The following ULK4 variants were observed in gnomAD, a reference collection of about 807,000 sequenced individuals.
The protein encoded by ULK4 is inactive serine/threonine-protein kinase ULK4.
ULK4 carries 133 observed loss-of-function variants against 160.6 expected under a neutral mutation model. The ratio of observed to expected loss-of-function variants is 0.83; its 90% CI spans 0.72 to 0.96. The LOEUF (loss-of-function observed/expected upper bound fraction) is 0.96, where lower values mean the gene tolerates loss of function less well. ULK4 is among the 40% of genes least tolerant of loss of function. The pLI is 0.00. For missense variants in ULK4, 1,580 were observed against 1,499.5 expected, an observed-to-expected ratio of 1.05 and a Z score of -0.89; for synonymous variants, 534 against 539.8, an observed-to-expected ratio of 0.99 and a Z score of 0.15.
At chr3:41,633,763 T>G (rs74386901) in intron 30 of ULK4, among the ~76,000 whole-genome samples, 277 of 152,150 alleles carry the variant, frequency 1.8e-3, no homozygotes, top group Non-Finnish European at 3.5e-3. Flanking sequence ...GACTTGATAA[T>G]CTACTGAATG....
intron 18 of ULK4, among the ~76,000 whole-genome samples, chr3:41,827,164 G>C (rs1170855326): frequency 7.0e-6 from 1 of 143,676 alleles, no homozygotes; most frequent in African/African-American, 2.6e-5. Flanking sequence ...AAAGCAGTGT[G>C]TAGGGGGAAA....
At chr3:41,563,313 G>A (rs191194082) in intron 32 of ULK4, among the ~76,000 whole-genome samples, 190 of 152,074 alleles carry the variant, frequency 1.2e-3, no homozygotes, top group African/African-American at 4.5e-3. Flanking sequence ...TTTCAACCTT[G>A]GTGAATCTGA....
At chr3:41,564,552 C>CA (rs1034946433) in intron 32 of ULK4, among the ~76,000 whole-genome samples, 5 of 146,914 alleles carry the variant, frequency 3.4e-5, no homozygotes, top group African/African-American at 1.2e-4. Flanking sequence ...TCCACCTCCC[C>CA]ACTTCAAGCG....
intron 27 of ULK4, among the ~76,000 whole-genome samples, chr3:41,699,159 G>C (rs1292128044): frequency 6.6e-6 from 1 of 152,098 alleles, no homozygotes; most frequent in East Asian, 1.9e-4. Context: ...AGCTTTAGTA[G>C]CTACTGCCCA....
At chr3:41,721,279 T>TTTTTTTTTTTTTTTG (rs67078043) in intron 22 of ULK4, among the ~76,000 whole-genome samples, 9 of 98,918 alleles carry the variant, frequency 9.1e-5, no homozygotes, top group African/African-American at 3.9e-4. Context: ...TTTTTTTTTT[T>TTTTTTTTTTTTTTTG]TTTTTGGGTT....
At chr3:41,913,549 T>C (rs1301235599) in intron 8 of ULK4, among the ~76,000 whole-genome samples, 3 of 152,156 alleles carry the variant, frequency 2.0e-5, no homozygotes, top group Non-Finnish European at 2.9e-5. Flanking sequence ...AAAGTAAATA[T>C]ATCAGATATC....
chr3:41,856,531 A>G (rs1487428268), intron 17 of ULK4, among the ~76,000 whole-genome samples: 1 of 117,626 alleles, frequency 8.5e-6, no homozygotes, highest in Non-Finnish European at 1.7e-5. Flanking sequence ...ATATATATAT[A>G]TGTATGTATA....
Position 41,800,193 on chromosome 3 carries a change from G to T in ULK4, c.1949C>A (p.Pro650His), listed in dbSNP as rs201495360. 3 of 1,613,598 alleles carry T rather than the reference G, an allele frequency of 1.9e-6. No individual in the cohort carries two copies. Among genetic ancestry groups the T allele is most frequent in the African/African-American group, 1.3e-5 (1 of 74,846 alleles). The change falls in exon 20 of 37, where the codon CCC becomes CAC. Residue 650 changes from proline (P) to histidine (H), a missense_variant. By Grantham distance (77) the Pro-to-His change is moderately conservative. Transcript: ENST00000301831. ...GTGTCTGAATAGGTACCACAAAATG[G>T]GTCCTATTTCTCCTGTAATAAAGCC... ...SQGFITGEIG[P>H]ILWYLFRHST...
chr3:41,469,947 C>T (rs1187619474), intron 32 of ULK4, among the ~76,000 whole-genome samples: 1 of 134,032 alleles, frequency 7.5e-6, no homozygotes, highest in African/African-American at 2.7e-5. Flanking sequence ...TGACAAAAGC[C>T]TATAAGGATT....
intron 32 of ULK4, 79 bp downstream of exon 32, chr3:41,565,946 C>A: frequency 9.3e-7 from 1 of 1,070,966 alleles, no homozygotes; most frequent in Non-Finnish European, 1.4e-6. Flanking sequence ...TTAAGTGGTA[C>A]TTCTAGACTC....
chr3:41,912,496 C>T (rs942727394), intron 9 of ULK4, among the ~76,000 whole-genome samples: 1 of 152,052 alleles, frequency 6.6e-6, no homozygotes, highest in Non-Finnish European at 1.5e-5. Flanking sequence ...CATGACCACA[C>T]CTAACATAAA....
chr3:41,812,465 GAGTAC>G (rs1559572258), intron 19 of ULK4, among the ~76,000 whole-genome samples: 1 of 152,084 alleles, frequency 6.6e-6, no homozygotes, highest in Non-Finnish European at 1.5e-5. Flanking sequence ...CAAAAAAAAA[GAGTAC>G]AGCAGTATAG....
intron 21 of ULK4, among the ~76,000 whole-genome samples, chr3:41,789,191 G>A (rs1318661235): frequency 6.6e-6 from 1 of 152,130 alleles, no homozygotes; most frequent in African/African-American, 2.4e-5. Flanking sequence ...TATAATAAAG[G>A]CATATAAAGG....
intron 30 of ULK4, among the ~76,000 whole-genome samples, chr3:41,628,564 G>C (rs957023083): frequency 6.6e-6 from 1 of 152,106 alleles, no homozygotes; most frequent in Non-Finnish European, 1.5e-5. Context: ...ACACAAAAAC[G>C]TATTATGGTT....
At chr3:41,859,670 G>GT (rs1253876790) in intron 17 of ULK4, 10 of 378,634 alleles carry the variant, frequency 2.6e-5, no homozygotes, top group Non-Finnish European at 4.6e-5. Flanking sequence ...TGTTTTGTTT[G>GT]TTTTTTAGAC....
In ULK4 at chr3:41,721,557, C is replaced by A. The variant is rs55835726; in HGVS notation, c.2322-3696G>T. 5.9e-3 allele frequency among the ~76,000 whole-genome samples: 891 copies of A among 149,824 alleles called. 11 individuals carry two copies. Among genetic ancestry groups the A allele is most frequent in the African/African-American group, 0.02 (825 of 40,604 alleles). ...TAATTTTTGTATTTTTAGTGGAGAC[C>A]GGGTTTCACCATCTTGGCCAGGCTG... is the stretch of plus-strand genomic sequence containing the variant. On this transcript the variant is annotated intron_variant, in intron 22 of 36. Coordinates refer to ENST00000301831, the MANE Select transcript of ULK4 (RefSeq NM_017886.4).
chr3:41,442,359 G>A (rs1283381947), intron 34 of ULK4, among the ~76,000 whole-genome samples: 3 of 152,018 alleles, frequency 2.0e-5, no homozygotes, highest in Admixed American at 6.6e-5. Flanking sequence ...TCTGAAATAC[G>A]CAGATGATTT....
intron 30 of ULK4, among the ~76,000 whole-genome samples, chr3:41,646,462 G>A (rs577445639): frequency 1.9e-4 from 29 of 152,248 alleles, no homozygotes; most frequent in African/African-American, 6.7e-4. Context: ...AGCTTAGTTT[G>A]GCTGGATATG....
chr3:41,286,451 G>A (rs1221533377), intron 35 of ULK4, among the ~76,000 whole-genome samples: 1 of 152,162 alleles, frequency 6.6e-6, no homozygotes, highest in Admixed American at 6.5e-5. Context: ...ATATGCTATG[G>A]GGGAAAGCAG....
Sources: allele counts gnomAD v4.1 joint callset (sites outside exome capture counted in the v4.1 genomes callset), GRCh38; gene constraint gnomAD v4.1.1; transcripts MANE v1.5; gene names NCBI Gene and HGNC (gene_info 2026-07-23, HGNC 2026-07-21).